ZCCHC7: variants seen among roughly 807,000 people sequenced by gnomAD.
The protein encoded by ZCCHC7 is zinc finger CCHC-type containing 7.
ZCCHC7 carries 35 observed loss-of-function variants against 52.0 expected under a neutral mutation model. The observed-to-expected ratio is 0.67, with a 90% CI of 0.51 to 0.89. The LOEUF is 0.89. ZCCHC7 is among the 40% of genes least tolerant of loss of function. ZCCHC7 has a pLI of 0.00. For missense variants in ZCCHC7, 574 were observed against 649.1 expected, an observed-to-expected ratio of 0.88 and a Z score of 1.26; for synonymous variants, 217 against 221.5, an observed-to-expected ratio of 0.98 and a Z score of 0.18.
At chr9:37,346,341 A>G (rs1421843787) in intron 6 of ZCCHC7, among the ~76,000 whole-genome samples, 1 of 152,094 alleles carries the variant, frequency 6.6e-6, no homozygotes, top group African/African-American at 2.4e-5. Context: ...ATTTTCCTAT[A>G]TCAAGGAAAT....
In ZCCHC7 at chr9:37,126,855, A is replaced by G; in HGVS notation, c.523A>G (p.Ser175Gly). 1.2e-6 allele frequency: 2 copies of G among 1,614,190 alleles called. No individual in the cohort carries two copies. ...STISEGDNVE[S>G]WMLLGCEVDD... ...CATTTCAGAAGGTGATAATGTGGAAAGCTGGATGCTACTGGGATGTGAAGT... is the reference window on the plus strand; with the variant it reads ...CATTTCAGAAGGTGATAATGTGGAAGGCTGGATGCTACTGGGATGTGAAGT... The change falls in exon 2 of 9, where the codon AGC becomes GGC. Residue 175 changes from serine to glycine, a missense_variant. Physicochemically the swap from Ser to Gly is moderately conservative, Grantham distance 56. Transcript: ENST00000336755.
chr9:37,155,946 C>T (rs540478396), intron 2 of ZCCHC7, among the ~76,000 whole-genome samples: 29 of 152,226 alleles, frequency 1.9e-4, no homozygotes, highest in Non-Finnish European at 2.8e-4. Context: ...GAGTTCCTGA[C>T]CTGTCAAGGA....
At chr9:37,182,099 A>T (rs1451146115) in intron 2 of ZCCHC7, among the ~76,000 whole-genome samples, 2 of 152,206 alleles carry the variant, frequency 1.3e-5, no homozygotes, top group Admixed American at 6.5e-5. Flanking sequence ...GTCATTGCTA[A>T]TTCTTTGACA....
At chr9:37,356,472 A>G (rs556146506) in intron 8 of ZCCHC7, among the ~76,000 whole-genome samples, 168 of 152,344 alleles carry the variant, frequency 1.1e-3, no homozygotes, top group African/African-American at 3.9e-3. Flanking sequence ...GCCATTTTAT[A>G]AATCTTGCTT....
At chr9:37,269,677 G>A (rs1451246427) in intron 2 of ZCCHC7, among the ~76,000 whole-genome samples, 1 of 141,766 alleles carries the variant, frequency 7.1e-6, no homozygotes, top group Non-Finnish European at 1.5e-5. Context: ...ATATGATAAT[G>A]TTGTTATCTT....
At chr9:37,191,198 T>C (rs1823003624) in intron 2 of ZCCHC7, among the ~76,000 whole-genome samples, 1 of 152,144 alleles carries the variant, frequency 6.6e-6, no homozygotes, top group African/African-American at 2.4e-5. Flanking sequence ...TTTTTGCCTA[T>C]GGAAAAAGTA....
intron 5 of ZCCHC7, among the ~76,000 whole-genome samples, chr9:37,318,314 T>C (rs1216338772): frequency 6.6e-6 from 1 of 151,708 alleles, no homozygotes; most frequent in Non-Finnish European, 1.5e-5. Flanking sequence ...ATACAAAAAT[T>C]AGCTGGGCAT....
At chr9:37,150,788 T>G (rs1820477160) in intron 2 of ZCCHC7, among the ~76,000 whole-genome samples, 1 of 152,152 alleles carries the variant, frequency 6.6e-6, no homozygotes, top group Admixed American at 6.5e-5. Context: ...TTTTATGAGT[T>G]TTTAAAATTA....
At chr9:37,255,498 A>T (rs1182911933) in intron 2 of ZCCHC7, among the ~76,000 whole-genome samples, 1 of 152,152 alleles carries the variant, frequency 6.6e-6, no homozygotes, top group Non-Finnish European at 1.5e-5. Context: ...AATGGCGTGC[A>T]GTTTAAAACT....
At chr9:37,164,494 TAGA>T (rs1821304591) in intron 2 of ZCCHC7, among the ~76,000 whole-genome samples, 1 of 123,162 alleles carries the variant, frequency 8.1e-6, no homozygotes, top group Admixed American at 8.0e-5. Flanking sequence ...GATAGATAGA[TAGA>T]TAGACAGACA....
chr9:37,237,133 C>T (rs1481281449), intron 2 of ZCCHC7, among the ~76,000 whole-genome samples: 2 of 152,164 alleles, frequency 1.3e-5, no homozygotes, highest in Non-Finnish European at 2.9e-5. Context: ...GAGCACTCAA[C>T]CTGGAGTTCC....
chr9:37,222,892 C>T (rs986693454), intron 2 of ZCCHC7, among the ~76,000 whole-genome samples: 4 of 152,016 alleles, frequency 2.6e-5, no homozygotes, highest in African/African-American at 4.8e-5. Flanking sequence ...TTAGTGGTTC[C>T]TAGAAGAAGG....
chr9:37,247,168 CATAA>C (rs1383176976), intron 2 of ZCCHC7, among the ~76,000 whole-genome samples: 1 of 152,146 alleles, frequency 6.6e-6, no homozygotes, highest in Non-Finnish European at 1.5e-5. Context: ...TATAAGTGGA[CATAA>C]ATGTACTTTG....
chr9:37,163,418 TAGC>T (rs1291717075), intron 2 of ZCCHC7, among the ~76,000 whole-genome samples: 2 of 137,182 alleles, frequency 1.5e-5, no homozygotes, highest in Non-Finnish European at 3.2e-5. Flanking sequence ...AAGAAAAAAA[TAGC>T]AGTTTTCTAA....
intron 2 of ZCCHC7, among the ~76,000 whole-genome samples, chr9:37,159,639 G>T (rs1271840010): frequency 6.6e-6 from 1 of 152,098 alleles, no homozygotes; most frequent in Non-Finnish European, 1.5e-5. Context: ...ACTCCCAAGC[G>T]CTGAAGATAC....
intron 2 of ZCCHC7, among the ~76,000 whole-genome samples, chr9:37,225,634 G>A (rs547146693): frequency 1.3e-4 from 20 of 152,250 alleles, no homozygotes; most frequent in African/African-American, 4.1e-4. Context: ...TTGGTTTAAC[G>A]TGAAAATTAA....
At chr9:37,300,188 T>G (rs1456495474) in intron 2 of ZCCHC7, among the ~76,000 whole-genome samples, 1 of 152,224 alleles carries the variant, frequency 6.6e-6, no homozygotes, top group Admixed American at 6.5e-5. Flanking sequence ...CTGTTTTCTG[T>G]TTATGTGTAA....
chr9:37,123,870 C>A (rs545260466), intron 1 of ZCCHC7, among the ~76,000 whole-genome samples: 1 of 152,214 alleles, frequency 6.6e-6, no homozygotes, highest in Non-Finnish European at 1.5e-5. Context: ...TTCAGACAAT[C>A]ACATTCAATT....
chr9:37,321,837 A>G (rs1830066277), intron 5 of ZCCHC7, among the ~76,000 whole-genome samples: 1 of 152,182 alleles, frequency 6.6e-6, no homozygotes, highest in Non-Finnish European at 1.5e-5. Flanking sequence ...TTTTGAGTCT[A>G]GTTTAAAACT....
Sources: allele counts gnomAD v4.1 joint callset (sites outside exome capture counted in the v4.1 genomes callset), GRCh38; gene constraint gnomAD v4.1.1; transcripts MANE v1.5; gene names NCBI Gene and HGNC (gene_info 2026-07-23, HGNC 2026-07-21).